AVPR1B: variants seen among roughly 807,000 people sequenced by gnomAD.
The protein encoded by AVPR1B is vasopressin V1b receptor.
In AVPR1B, 25 loss-of-function variants were observed where a neutral mutation model predicts 27.5. That is an observed-to-expected ratio of 0.91 (90% CI 0.66 to 1.27). The LOEUF (loss-of-function observed/expected upper bound fraction) is 1.27, where lower values mean the gene tolerates loss of function less well. Among genes scored for constraint, AVPR1B ranks in the 50% most tolerant of loss-of-function variants. The probability of loss-of-function intolerance (pLI) is 0.00; values close to 1 mark genes in which losing one functional copy is unlikely to be tolerated. For missense variants in AVPR1B, 595 were observed against 556.9 expected (o/e 1.07, Z -0.69); for synonymous variants, 248 against 240.2 (o/e 1.03, Z -0.30).
chr1:206,114,832 C>G (rs915881014), intron 1 of AVPR1B, among the ~76,000 whole-genome samples: 1 of 152,116 alleles, frequency 6.6e-6, no homozygotes, highest in African/African-American at 2.4e-5. Flanking sequence ...GGCAGGAAAA[C>G]AGCAGAGGGA....
chr1:206,110,361 G>C lies in AVPR1B; in HGVS notation c.1103C>G (p.Ser368Cys). The change falls in exon 2 of 2, where the codon TCC (serine) becomes TGC (cysteine). Residue 368 changes from serine (S) to cysteine (C), a missense_variant. Ser to Cys is a moderately radical substitution (Grantham distance 112). Transcript: ENST00000367126. ...GTGGCGGCTCGAGAGGCTGCCGTCG[G>C]AGAGCCGCCGGCGCATCCTGGGCTG... ...GPQPRMRRRLSDGSLSSRHTT... is the reference protein window; with the variant it reads ...GPQPRMRRRLCDGSLSSRHTT... 1 of 1,609,598 alleles carries C rather than the reference G, an allele frequency of 6.2e-7. No individual in the cohort carries two copies.
chr1:206,114,793 G>A (rs1553290270), intron 1 of AVPR1B, among the ~76,000 whole-genome samples: 2 of 152,208 alleles, frequency 1.3e-5, no homozygotes, highest in African/African-American at 4.8e-5. Context: ...CTCCCTAGCT[G>A]TGAGGCCTGG....
rs781795839 is a variant in AVPR1B at position 206,116,605 on chromosome 1, T to C, written c.286A>G (p.Ile96Val). 8.7e-6 allele frequency: 14 copies of C among 1,614,086 alleles called. No homozygotes were observed. The highest frequency in any genetic ancestry group is 1.2e-5 in the Non-Finnish European group (14 of 1,180,004). The change falls in exon 1 of 2, where the codon ATC (isoleucine) becomes GTC (valine). Residue 96 changes from isoleucine (I) to valine (V), a missense_variant. Transcript: ENST00000367126. ...TCGGGGCCCTGGAAGCGGTAGGTGA[T>C]GTCCCACAGCAGCTGTGGCAGCACC... Reference protein sequence around the residue: ...FQVLPQLLWDITYRFQGPDLL... With the variant: ...FQVLPQLLWDVTYRFQGPDLL...
chr1:206,107,803 T>C lies in AVPR1B; in HGVS notation c.*2386A>G, dbSNP rs1485560774. ...TTGGGTCAGGACCCTGGAGGTCATC[T>C]ACCAGATGCAATCTGGAGCCAGGCC... On this transcript the variant is annotated 3_prime_UTR_variant, in exon 2 of 2. Transcript: ENST00000367126. Among the ~76,000 whole-genome samples the C allele has an allele frequency of 6.6e-6, 1 of 152,228 alleles. No homozygotes were observed. Among genetic ancestry groups the C allele is most frequent in the Non-Finnish European group, 1.5e-5 (1 of 68,036 alleles).
Position 206,116,796 on chromosome 1 carries a change from T to C in AVPR1B, c.95A>G (p.Glu32Gly), listed in dbSNP as rs1389642419. The change falls in exon 1 of 2, where the codon GAG becomes GGG. Residue 32 changes from glutamate (E) to glycine (G), a missense_variant. By Grantham distance (98) the Glu-to-Gly change is moderately conservative (BLOSUM62 -2). Transcript: ENST00000367126. ...GACTCCGATCTCCACCTTGGCCAGC[T>C]CCTCATCCCGGCCCAGCCAGGGTGT... is the stretch of plus-strand genomic sequence containing the variant. ...ATTPWLGRDE[E>G]LAKVEIGVLA... The C allele has an allele frequency of 3.1e-6, 5 of 1,613,848 alleles. No individual in the cohort carries two copies. The highest frequency in any genetic ancestry group is 3.4e-6 in the Non-Finnish European group (4 of 1,179,988).
chr1:206,111,008 C>CTT (rs1459768903), intron 1 of AVPR1B, among the ~76,000 whole-genome samples: 2 of 152,354 alleles, frequency 1.3e-5, no homozygotes, highest in Admixed American at 1.3e-4. Context: ...CTCCTGGACT[C>CTT]TGTCTCCTTC....
chr1:206,110,171 G>T lies in AVPR1B; in HGVS notation c.*18C>A, dbSNP rs1553289529. On this transcript the variant is annotated 3_prime_UTR_variant, in exon 2 of 2. Transcript: ENST00000367126. ...TCCACTAGTCCTGGGGGCAGTACCA[G>T]ACCCCAGCGAGTCTTTCCTAAAAGA... is the stretch of plus-strand genomic sequence containing the variant. 6.3e-7 allele frequency: 1 copy of T among 1,592,748 alleles called. No individual in the cohort carries two copies. Among genetic ancestry groups the T allele is most frequent in the African/African-American group, 1.3e-5 (1 of 74,640 alleles).
At position 206,110,426 on chromosome 1, in the gene AVPR1B, T is replaced by C. The variant is rs1663354210; in HGVS notation, c.1038A>G (p.Leu346=). The C allele has an allele frequency of 6.2e-7, 1 of 1,613,758 alleles. No individual in the cohort carries two copies. Among genetic ancestry groups the C allele is most frequent in the African/African-American group, 1.3e-5 (1 of 74,916 alleles). Residue 346 remains leucine, a synonymous_variant, in exon 2 of 2, where the codon TTA becomes TTG. Transcript: ENST00000367126. The stretch of plus-strand genomic sequence containing the variant: ...AGGCAAGGTGACGCAGGGGCCGCGG[T>C]AACAGGTGGCTGTTGAAGCCCATGT... ...WIYMGFNSHL[L]PRPLRHLACC...
chr1:206,116,613 A>G lies in AVPR1B; in HGVS notation c.278T>C (p.Leu93Pro). 1 of 1,614,132 alleles carries G rather than the reference A, an allele frequency of 6.2e-7. No homozygotes were observed. The highest frequency in any genetic ancestry group is 8.5e-7 in the Non-Finnish European group (1 of 1,180,026). Residue 93 changes from leucine to proline, a missense_variant, in exon 1 of 2, where the codon CTG becomes CCG. Leu to Pro is a moderately conservative substitution (Grantham distance 98). Transcript: ENST00000367126. ...CTGGAAGCGGTAGGTGATGTCCCAC[A>G]GCAGCTGTGGCAGCACCTGGAAGAG... ...VALFQVLPQL[L>P]WDITYRFQGP... is the part of the protein sequence containing the mutation.
chr1:206,110,144 C>T lies in AVPR1B; in HGVS notation c.*45G>A, dbSNP rs782767010. On this transcript the variant is annotated 3_prime_UTR_variant, in exon 2 of 2. Transcript: ENST00000367126. Reference sequence around the variant, plus strand: ...TCCAGTGCCCGAGGTGGGCAGAGAACCTCCACTAGTCCTGGGGGCAGTACC... The same window carrying T: ...TCCAGTGCCCGAGGTGGGCAGAGAATCTCCACTAGTCCTGGGGGCAGTACC... 5.8e-6 allele frequency: 9 copies of T among 1,544,114 alleles called. No individual in the cohort carries two copies. Among genetic ancestry groups the T allele is most frequent in the Non-Finnish European group, 7.9e-6 (9 of 1,143,104 alleles).
At position 206,116,409 on chromosome 1, in the gene AVPR1B, G is replaced by A; in HGVS notation, c.482C>T (p.Ala161Val). The A allele has an allele frequency of 6.2e-7, 1 of 1,613,944 alleles. No homozygotes were observed. The highest frequency in any genetic ancestry group is 1.1e-5 in the South Asian group (1 of 91,090). Residue 161 changes from alanine to valine, a missense_variant, in exon 1 of 2, where the codon GCC (alanine) becomes GTC (valine). Ala to Val is a moderately conservative substitution (Grantham distance 64). Coordinates refer to ENST00000367126, the MANE Select transcript of AVPR1B (RefSeq NM_000707.5). ...YLLIAAPWLL[A>V]AIFSLPQVFI... ...GACTTGAGGGAGGCTGAAGATGGCG[G>A]CCAGCAGCCAGGGAGCAGCGATGAG... is the stretch of plus-strand genomic sequence containing the variant.
chr1:206,112,200 A>G (rs1663393358), intron 1 of AVPR1B, among the ~76,000 whole-genome samples: 2 of 132,424 alleles, frequency 1.5e-5, no homozygotes, highest in South Asian at 2.2e-4. Flanking sequence ...CATCTCAAGA[A>G]AAAAAAAAGA....
Position 206,116,077 on chromosome 1 carries a change from T to C in AVPR1B, c.814A>G (p.Ile272Val), listed in dbSNP as rs1663462119. 6.2e-7 allele frequency: 1 copy of C among 1,614,170 alleles called. No individual in the cohort carries two copies. Among genetic ancestry groups the C allele is most frequent in the African/African-American group, 1.3e-5 (1 of 75,028 alleles). The change falls in exon 1 of 2, where the codon ATC (isoleucine) becomes GTC (valine). Residue 272 changes from isoleucine to valine, a missense_variant. Physicochemically the swap from Ile to Val is conservative, Grantham distance 29. Coordinates refer to ENST00000367126, the MANE Select transcript of AVPR1B (RefSeq NM_000707.5). ...LPSRVSSINT[I>V]SRAKIRTVKM... ...ACTGTTCGGATCTTGGCCCGTGAGA[T>C]GGTGTTGATGCTGCTGACCCGAGAT...
chr1:206,115,801 C>A (rs922703250), intron 1 of AVPR1B, 150 bp downstream of exon 1: 20 of 674,622 alleles, frequency 3.0e-5, no homozygotes, highest in Non-Finnish European at 4.7e-5. Flanking sequence ...CATAACTGCC[C>A]CTTTTCACTT....
chr1:206,112,058 G>T (rs1663390545), intron 1 of AVPR1B, among the ~76,000 whole-genome samples: 1 of 152,156 alleles, frequency 6.6e-6, no homozygotes, highest in Admixed American at 6.5e-5. Context: ...AGCCGGCTGT[G>T]GTGATGTGCA....
At chr1:206,111,498 A>C (rs559578731) in intron 1 of AVPR1B, among the ~76,000 whole-genome samples, 1 of 152,330 alleles carries the variant, frequency 6.6e-6, no homozygotes, top group East Asian at 1.9e-4. Flanking sequence ...AATCATTGAA[A>C]GCAATTTCAG....
rs781922134 is a variant in AVPR1B at position 206,110,447 on chromosome 1, C to T, written c.1017G>A (p.Met339Ile). Residue 339 changes from methionine to isoleucine, a missense_variant, in exon 2 of 2, where the codon ATG (methionine) becomes ATA (isoleucine). Coordinates refer to ENST00000367126, the MANE Select transcript of AVPR1B (RefSeq NM_000707.5). ...GCGGTAACAGGTGGCTGTTGAAGCC[C>T]ATGTAGATCCAGGGGTTGCAGCAGC... ...LNSCCNPWIY[M>I]GFNSHLLPRP... 1.9e-6 allele frequency: 3 copies of T among 1,614,050 alleles called. No individual in the cohort carries two copies. The highest frequency in any genetic ancestry group is 2.5e-6 in the Non-Finnish European group (3 of 1,179,978).
In AVPR1B at chr1:206,108,467, G is replaced by A. The variant is rs1373518697; in HGVS notation, c.*1722C>T. 5.9e-5 allele frequency among the ~76,000 whole-genome samples: 9 copies of A among 152,204 alleles called. No individual in the cohort carries two copies. Among genetic ancestry groups the A allele is most frequent in the African/African-American group, 2.2e-4 (9 of 41,448 alleles). ...CCTCTTAAAGAAGTATATCCGCAAA[G>A]CCACAGTCATTCCTCAAAGCTTCCC... On this transcript the variant is annotated 3_prime_UTR_variant, in exon 2 of 2. Transcript: ENST00000367126.
At position 206,116,244 on chromosome 1, in the gene AVPR1B, G is replaced by C. The variant is rs200893536; in HGVS notation, c.647C>G (p.Thr216Arg). The C allele has an allele frequency of 2.5e-6, 4 of 1,613,478 alleles. No individual in the cohort carries two copies. The highest frequency in any genetic ancestry group is 1.3e-5 in the African/African-American group (1 of 74,914). Residue 216 changes from threonine (T) to arginine (R), a missense_variant, in exon 1 of 2, where the codon ACG (threonine) becomes AGG (arginine). Physicochemically the swap from Thr to Arg is moderately conservative, Grantham distance 71. Coordinates refer to ENST00000367126, the MANE Select transcript of AVPR1B (RefSeq NM_000707.5). ...AIFVLPVTML[T>R]ACYSLICHEI... is the part of the protein sequence containing the mutation. ...ATGGCAGATGAGGCTGTAGCAGGCC[G>C]TGAGCATGGTCACCGGCAGAACGAA...
Sources: gnomAD v4.1 joint callset for allele counts (sites outside exome capture counted in the v4.1 genomes callset) on GRCh38, gnomAD v4.1.1 for gene constraint, MANE v1.5 for transcripts, NCBI Gene and HGNC (gene_info 2026-07-23, HGNC 2026-07-21) for gene names.